The following FSTL5 variants were observed in gnomAD, a reference collection of about 807,000 sequenced individuals.
FSTL5 encodes follistatin-related protein 5.
In FSTL5, 62 loss-of-function variants were observed where a neutral mutation model predicts 89.1. The ratio of observed to expected loss-of-function variants is 0.70; its 90% CI spans 0.57 to 0.86. The LOEUF is 0.86. Among genes scored for constraint, FSTL5 ranks in the 40% least tolerant of loss-of-function variants. FSTL5 has a pLI of 0.00. For missense variants in FSTL5, 1,057 were observed against 1,001.6 expected (o/e 1.06, Z -0.75); for synonymous variants, 383 against 346.2 (o/e 1.11, Z -1.18).
intron 15 of FSTL5, chr4:161,387,997 C>T (rs1472559506): frequency 6.6e-6 from 1 of 152,030 alleles, no homozygotes; most frequent in East Asian, 1.9e-4. Context: ...ATCAACATAA[C>T]TCTCCCTGTC....
chr4:161,702,612 C>T (rs1161260166), intron 6 of FSTL5, among the ~76,000 whole-genome samples: 1 of 152,142 alleles, frequency 6.6e-6, no homozygotes, highest in Non-Finnish European at 1.5e-5. Context: ...CAAATACACA[C>T]TTTTCTCCCA....
chr4:161,959,800 C>T (rs1324859376), intron 3 of FSTL5, among the ~76,000 whole-genome samples: 3 of 151,954 alleles, frequency 2.0e-5, no homozygotes, highest in Non-Finnish European at 4.4e-5. Context: ...CAGAGGTGTG[C>T]TATTGAATTA....
chr4:162,069,565 T>A (rs2111305105), intron 2 of FSTL5, among the ~76,000 whole-genome samples: 1 of 152,046 alleles, frequency 6.6e-6, no homozygotes, highest in Non-Finnish European at 1.5e-5. Flanking sequence ...GTTTCCAGCC[T>A]CTAATAACCA....
At chr4:162,053,959 G>A (rs912777641) in intron 2 of FSTL5, among the ~76,000 whole-genome samples, 4 of 151,616 alleles carry the variant, frequency 2.6e-5, no homozygotes, top group Admixed American at 2.0e-4. Context: ...CATCTCATTT[G>A]ATGAATCTGG....
At chr4:161,723,411 A>C (rs6536611) in intron 6 of FSTL5, among the ~76,000 whole-genome samples, 141,426 of 152,258 alleles carry the variant, frequency 0.93, 66,069 homozygotes, top group Non-Finnish European at 0.98. Flanking sequence ...TCCTCTCCGA[A>C]TTTCTGTTCT....
chr4:161,914,007 G>A (rs1733771235), intron 4 of FSTL5, among the ~76,000 whole-genome samples: 1 of 152,118 alleles, frequency 6.6e-6, no homozygotes, highest in African/African-American at 2.4e-5. Flanking sequence ...GGCATGATTG[G>A]TTTTGAAATG....
At chr4:161,844,096 C>A (rs374161131) in intron 4 of FSTL5, among the ~76,000 whole-genome samples, 2 of 151,872 alleles carry the variant, frequency 1.3e-5, no homozygotes, top group Non-Finnish European at 2.9e-5. Flanking sequence ...AACAAATATA[C>A]AAGAAAAAAA....
intron 8 of FSTL5, among the ~76,000 whole-genome samples, chr4:161,548,121 A>G (rs1732066273): frequency 6.6e-6 from 1 of 151,878 alleles, no homozygotes. Flanking sequence ...TTTATCCATC[A>G]AATCTTTTTT....
chr4:161,710,504 T>C (rs1030220265), intron 6 of FSTL5, among the ~76,000 whole-genome samples: 2 of 152,180 alleles, frequency 1.3e-5, no homozygotes, highest in African/African-American at 4.8e-5. Flanking sequence ...ATCTGAGTTC[T>C]TCCTTTATAT....
chr4:162,085,226 A>G, intron 2 of FSTL5, among the ~76,000 whole-genome samples: 1 of 152,054 alleles, frequency 6.6e-6, no homozygotes, highest in Admixed American at 6.6e-5. Flanking sequence ...GACTGGTGAA[A>G]ATTTTCTAAT....
In FSTL5 at chr4:162,035,731, T is replaced by G. The variant is rs946266301; in HGVS notation, c.127-2073A>C. On this transcript the variant is annotated intron_variant, in intron 2 of 15. Transcript: ENST00000306100. ...TTTTGGCTGTCTATTAAGAATAGGTTGAAAGGGCAAGGGCAAAGTCAGGGA... is the reference window on the plus strand; with the variant it reads ...TTTTGGCTGTCTATTAAGAATAGGTGGAAAGGGCAAGGGCAAAGTCAGGGA... Among the ~76,000 whole-genome samples the G allele has an allele frequency of 2.0e-5, 3 of 152,032 alleles. No homozygotes were observed. In the East Asian group the frequency reaches 5.8e-4, roughly 29 times the overall value.
chr4:161,656,989 T>C (rs1560774394), intron 6 of FSTL5, among the ~76,000 whole-genome samples: 1 of 152,180 alleles, frequency 6.6e-6, no homozygotes, highest in Non-Finnish European at 1.5e-5. Flanking sequence ...AAATCTGAAG[T>C]TCGCTGACCA....
intron 6 of FSTL5, among the ~76,000 whole-genome samples, chr4:161,659,295 G>A (rs1736628792): frequency 6.6e-6 from 1 of 152,038 alleles, no homozygotes; most frequent in Admixed American, 6.6e-5. Flanking sequence ...CATGCTGTAT[G>A]TTTCACCTCT....
At chr4:161,497,706 T>C (rs939568082) in intron 12 of FSTL5, among the ~76,000 whole-genome samples, 4 of 152,004 alleles carry the variant, frequency 2.6e-5, no homozygotes, top group African/African-American at 9.7e-5. Flanking sequence ...TATTCTATAA[T>C]ATTTATCTCA....
At chr4:161,527,153 T>G (rs1731250695) in intron 10 of FSTL5, among the ~76,000 whole-genome samples, 1 of 152,218 alleles carries the variant, frequency 6.6e-6, no homozygotes, top group African/African-American at 2.4e-5. Context: ...GAAGAGGTCC[T>G]TCACGTCCCT....
intron 4 of FSTL5, among the ~76,000 whole-genome samples, chr4:161,905,935 C>T (rs1733509943): frequency 6.6e-6 from 1 of 152,112 alleles, no homozygotes. Context: ...AACTTCTAAA[C>T]TGCCAAGTGA....
chr4:162,109,390 C>T lies in FSTL5; in HGVS notation c.126+1881G>A, dbSNP rs551774483. On this transcript the variant is annotated intron_variant, in intron 2 of 15. Coordinates refer to ENST00000306100, the MANE Select transcript of FSTL5 (RefSeq NM_020116.5). Reference sequence around the variant, plus strand: ...AGACACACACACATTCACCAAATCTCATCTCTGCTCAAAGTTGTTTGAAAG... The same window carrying T: ...AGACACACACACATTCACCAAATCTTATCTCTGCTCAAAGTTGTTTGAAAG... Among the ~76,000 whole-genome samples, 10 of 152,188 alleles carry T rather than the reference C, an allele frequency of 6.6e-5. No individual in the cohort carries two copies. In the East Asian group the frequency reaches 1.2e-3, roughly 18 times the overall value.
chr4:161,464,567 A>T (rs1733685568), intron 13 of FSTL5, among the ~76,000 whole-genome samples: 1 of 151,992 alleles, frequency 6.6e-6, no homozygotes, highest in Non-Finnish European at 1.5e-5. Context: ...TTTATTTCTT[A>T]TTGTCTGCCT....
At chr4:162,031,732 T>C (rs999965726) in intron 3 of FSTL5, among the ~76,000 whole-genome samples, 1 of 152,018 alleles carries the variant, frequency 6.6e-6, no homozygotes, top group Non-Finnish European at 1.5e-5. Flanking sequence ...GGTCAAGAGA[T>C]CGAGACCGTC....
Sources: gnomAD v4.1 joint callset for allele counts (sites outside exome capture counted in the v4.1 genomes callset) on GRCh38, gnomAD v4.1.1 for gene constraint, MANE v1.5 for transcripts, NCBI Gene and HGNC (gene_info 2026-07-23, HGNC 2026-07-21) for gene names.